Variants in SCLT1 observed in about 807,000 individuals in gnomAD.
SCLT1 encodes the protein sodium channel-associated protein 1.
SCLT1 carries 78 observed loss-of-function variants against 112.8 expected under a neutral mutation model. The observed-to-expected ratio is 0.69, with a 90% CI of 0.58 to 0.83. The LOEUF (loss-of-function observed/expected upper bound fraction) is 0.83, where lower values mean the gene tolerates loss of function less well. Among genes scored for constraint, SCLT1 ranks in the 40% least tolerant of loss-of-function variants. The probability of loss-of-function intolerance (pLI) is 0.00; values close to 1 mark genes in which losing one functional copy is unlikely to be tolerated. For synonymous variants in SCLT1, 257 were observed against 254.7 expected (o/e 1.01, Z -0.09); for missense variants, 747 against 770.4 (o/e 0.97, Z 0.36).
At chr4:129,080,961 A>G (rs1227500266) in intron 2 of SCLT1, among the ~76,000 whole-genome samples, 1 of 152,044 alleles carries the variant, frequency 6.6e-6, no homozygotes, top group Non-Finnish European at 1.5e-5. Flanking sequence ...CTCTGAGGAG[A>G]AAAGTCTCCT....
chr4:129,034,902 TAC>T (rs1229936193), intron 5 of SCLT1, among the ~76,000 whole-genome samples: 1 of 152,146 alleles, frequency 6.6e-6, no homozygotes, highest in East Asian at 1.9e-4. Flanking sequence ...ACCCACAAGC[TAC>T]AGTTTGTGAA....
chr4:129,019,069 C>T (rs183545127), intron 5 of SCLT1, among the ~76,000 whole-genome samples: 49 of 151,998 alleles, frequency 3.2e-4, no homozygotes, highest in African/African-American at 1.1e-3. Flanking sequence ...AGTATCATTT[C>T]AAAAGATTTA....
chr4:128,959,134 T>C (rs1739462559), intron 12 of SCLT1, among the ~76,000 whole-genome samples: 1 of 152,132 alleles, frequency 6.6e-6, no homozygotes, highest in South Asian at 2.1e-4. Context: ...ATCACAATTG[T>C]TAGAGAATTA....
At chr4:128,919,924 A>T (rs570076437) in intron 18 of SCLT1, among the ~76,000 whole-genome samples, 1 of 152,226 alleles carries the variant, frequency 6.6e-6, no homozygotes, top group South Asian at 2.1e-4. Flanking sequence ...TCAACCAGAA[A>T]AATCCCAGGG....
chr4:128,880,654 TC>T (rs1732618571), downstream of SCLT1, among the ~76,000 whole-genome samples: 1 of 152,202 alleles, frequency 6.6e-6, no homozygotes, highest in Non-Finnish European at 1.5e-5. Context: ...GATTCAACTT[TC>T]CCTCCAAAAA....
intron 16 of SCLT1, chr4:128,944,957 T>G (rs982799396): frequency 5.9e-5 from 9 of 152,208 alleles, no homozygotes; most frequent in African/African-American, 2.2e-4. Flanking sequence ...TCACTCAACC[T>G]TCAAAATTTA....
chr4:128,899,794 A>T (rs1453938598), intron 18 of SCLT1, among the ~76,000 whole-genome samples: 2 of 152,202 alleles, frequency 1.3e-5, no homozygotes, highest in Non-Finnish European at 2.9e-5. Flanking sequence ...TCAGCCCAAA[A>T]TCTCCTTAAG....
At chr4:129,039,165 C>A in intron 4 of SCLT1, 69 bp from the exon 5 acceptor site, 1 of 918,010 alleles carries the variant, frequency 1.1e-6, no homozygotes, top group Non-Finnish European at 1.8e-6. Flanking sequence ...GTAGACCACT[C>A]ACGTAAGCAA....
intron 2 of SCLT1, among the ~76,000 whole-genome samples, chr4:129,044,836 A>G (rs1748033976): frequency 6.6e-6 from 1 of 151,254 alleles, no homozygotes; most frequent in South Asian, 2.1e-4. Flanking sequence ...CCAAAAAAAA[A>G]AAAAAAAGGA....
intron 2 of SCLT1, among the ~76,000 whole-genome samples, chr4:129,060,373 G>A (rs1248103563): frequency 1.3e-5 from 2 of 151,966 alleles, no homozygotes; most frequent in East Asian, 3.9e-4. Flanking sequence ...GTGTTCCTTT[G>A]GTGGTGACAT....
intron 11 of SCLT1, among the ~76,000 whole-genome samples, chr4:128,960,155 T>C (rs1234121290): frequency 6.6e-6 from 1 of 152,180 alleles, no homozygotes; most frequent in African/African-American, 2.4e-5. Context: ...TTTACATTTA[T>C]ATGGTCTTTT....
chr4:128,975,173 G>A (rs1741053324), intron 9 of SCLT1, among the ~76,000 whole-genome samples: 5 of 150,690 alleles, frequency 3.3e-5, no homozygotes, highest in Admixed American at 3.3e-4. Context: ...TGAGTAGCTG[G>A]GACTACAGGC....
chr4:128,950,406 GT>G (rs1276131762), intron 14 of SCLT1, among the ~76,000 whole-genome samples: 6 of 152,242 alleles, frequency 3.9e-5, no homozygotes, highest in Admixed American at 2.6e-4. Flanking sequence ...AGACAGCAAA[GT>G]TTAAGCCTTT....
intron 13 of SCLT1, among the ~76,000 whole-genome samples, chr4:128,955,785 G>C (rs752808969): frequency 6.6e-6 from 1 of 151,928 alleles, no homozygotes; most frequent in Non-Finnish European, 1.5e-5. Context: ...TTTACAATGA[G>C]TATATATCAC....
chr4:128,877,996 CAAA>C, intron 3 of SCLT1, among the ~76,000 whole-genome samples: 1 of 152,080 alleles, frequency 6.6e-6, no homozygotes, highest in Admixed American at 6.6e-5. Context: ...ACACTGCTAT[CAAA>C]GAATAAAAAG....
chr4:128,960,811 T>A (rs990509324), intron 11 of SCLT1, among the ~76,000 whole-genome samples: 1 of 147,390 alleles, frequency 6.8e-6, no homozygotes, highest in African/African-American at 2.5e-5. Context: ...TCCCAGCTAC[T>A]CGGGAGGCTG....
chr4:128,897,590 G>A (rs1357449545), intron 18 of SCLT1, among the ~76,000 whole-genome samples: 39 of 152,030 alleles, frequency 2.6e-4, no homozygotes, highest in Middle Eastern at 3.4e-3. Context: ...AAAGACCATC[G>A]AGGCTAGGAA....
chr4:128,992,302 C>T, intron 8 of SCLT1, 65 bp from the exon 9 acceptor site: 2 of 994,564 alleles, frequency 2.0e-6, no homozygotes, highest in Non-Finnish European at 3.0e-6. Context: ...AAAGATGACA[C>T]ATCAGACATA....
Position 129,043,976 on chromosome 4 carries a change from T to G in SCLT1, c.161+17A>C. The G allele has an allele frequency of 2.4e-6, 3 of 1,254,240 alleles. No individual in the cohort carries two copies. Among genetic ancestry groups the G allele is most frequent in the Non-Finnish European group, 3.5e-6 (3 of 865,508 alleles). 77.7% of individuals were successfully genotyped at this position (1,254,240 alleles called of 1,614,324 possible). ...AAATATAACGAAGAAAATGATATTA[T>G]TCTGGTAATACTTTACCTTTGGTCA... On this transcript the variant is annotated intron_variant, in intron 3 of 20. Transcript: ENST00000281142.
Sources: gnomAD v4.1 joint callset for allele counts (sites outside exome capture counted in the v4.1 genomes callset) on GRCh38, gnomAD v4.1.1 for gene constraint, MANE v1.5 for transcripts, NCBI Gene and HGNC (gene_info 2026-07-23, HGNC 2026-07-21) for gene names.